The following TMEM132D variants were observed in gnomAD, a reference collection of about 807,000 sequenced individuals.
TMEM132D encodes the protein transmembrane protein 132D.
A neutral mutation model predicts 62.3 loss-of-function variants in TMEM132D; 21 were observed. The ratio of observed to expected loss-of-function variants is 0.34; its 90% CI spans 0.24 to 0.49. The LOEUF is 0.49. TMEM132D is among the 20% of genes least tolerant of loss of function. The pLI, the probability that TMEM132D is intolerant of heterozygous loss-of-function variation, is 0.99. For missense variants in TMEM132D, 1,346 were observed against 1,402.8 expected (o/e 0.96, Z 0.65); for synonymous variants, 621 against 575.6 (o/e 1.08, Z -1.13).
At chr12:129,796,646 G>A (rs1042595679) in intron 1 of TMEM132D, among the ~76,000 whole-genome samples, 1 of 152,092 alleles carries the variant, frequency 6.6e-6, no homozygotes, top group African/African-American at 2.4e-5. Context: ...ACCAAACATC[G>A]TGCGTTCTCA....
At chr12:129,324,558 C>A (rs577397296) in intron 4 of TMEM132D, among the ~76,000 whole-genome samples, 1 of 152,252 alleles carries the variant, frequency 6.6e-6, no homozygotes, top group Admixed American at 6.5e-5. Context: ...TGGTCAGGGG[C>A]AGTGGCTCAC....
chr12:129,586,097 G>C (rs1385924507), intron 2 of TMEM132D, among the ~76,000 whole-genome samples: 1 of 150,520 alleles, frequency 6.6e-6, no homozygotes, highest in Admixed American at 6.6e-5. Flanking sequence ...CTGTGGCAGA[G>C]ACACGGCTAT....
chr12:129,365,969 G>A (rs760790563), intron 3 of TMEM132D, among the ~76,000 whole-genome samples: 17 of 151,952 alleles, frequency 1.1e-4, no homozygotes, highest in Non-Finnish European at 2.2e-4. Context: ...CACCTACCGA[G>A]AGAGCAGTCC....
chr12:129,122,078 C>T (rs1469822853), intron 5 of TMEM132D, among the ~76,000 whole-genome samples: 9 of 152,320 alleles, frequency 5.9e-5, no homozygotes, highest in Admixed American at 3.9e-4. Flanking sequence ...TCCACCACTG[C>T]TGCAGAGCGA....
At chr12:129,355,733 T>G (rs1392182724) in intron 3 of TMEM132D, among the ~76,000 whole-genome samples, 1 of 152,172 alleles carries the variant, frequency 6.6e-6, no homozygotes, top group African/African-American at 2.4e-5. Context: ...TCACACTGGC[T>G]TCAATGTGTG....
intron 1 of TMEM132D, among the ~76,000 whole-genome samples, chr12:129,825,467 C>T (rs772587425): frequency 9.2e-5 from 14 of 152,276 alleles, no homozygotes; most frequent in South Asian, 4.2e-4. Flanking sequence ...GGGTTACTGG[C>T]GAGAGGCTTG....
chr12:129,117,421 T>C (rs983359586), intron 5 of TMEM132D, among the ~76,000 whole-genome samples: 5 of 152,144 alleles, frequency 3.3e-5, no homozygotes, highest in African/African-American at 1.2e-4. Flanking sequence ...AATTTGAGCT[T>C]TGGTAAATAA....
chr12:129,138,566 C>T (rs368819600), intron 5 of TMEM132D, among the ~76,000 whole-genome samples: 2 of 152,020 alleles, frequency 1.3e-5, no homozygotes, highest in African/African-American at 4.8e-5. Flanking sequence ...ACTAAAAATA[C>T]AAAAATTAGC....
chr12:129,567,988 G>T (rs185964246), intron 2 of TMEM132D, among the ~76,000 whole-genome samples: 2 of 152,310 alleles, frequency 1.3e-5, no homozygotes, highest in African/African-American at 4.8e-5. Flanking sequence ...TCTGAGTAGT[G>T]AGCAGTTCAG....
rs551950153 is a variant in TMEM132D, at chr12:129,703,187, G to A, written c.80-2489C>T. Among the ~76,000 whole-genome samples the A allele has an allele frequency of 2.4e-3, 371 of 152,292 alleles. 2 individuals are homozygous for A. The highest frequency in any genetic ancestry group is 8.4e-3 in the African/African-American group (349 of 41,556). ...TGTTAATGCCAGACACCAAGGCTCCGTGAACTTCCCTGTTGAACATCTGAC... is the reference window on the plus strand; with the variant it reads ...TGTTAATGCCAGACACCAAGGCTCCATGAACTTCCCTGTTGAACATCTGAC... On this transcript the variant is annotated intron_variant, in intron 1 of 8. Coordinates refer to ENST00000422113, the MANE Select transcript of TMEM132D (RefSeq NM_133448.3).
chr12:129,405,284 T>G (rs933554617), intron 3 of TMEM132D, among the ~76,000 whole-genome samples: 20 of 151,818 alleles, frequency 1.3e-4, no homozygotes, highest in African/African-American at 4.6e-4. Flanking sequence ...ACAGAAAGCT[T>G]TCTGGTGTCT....
intron 1 of TMEM132D, among the ~76,000 whole-genome samples, chr12:129,771,932 A>C (rs1369904824): frequency 2.6e-5 from 4 of 152,208 alleles, no homozygotes; most frequent in African/African-American, 9.7e-5. Flanking sequence ...AGACAAAGAA[A>C]CTGAGTCACA....
chr12:129,654,402 C>T (rs1201363079), intron 2 of TMEM132D, among the ~76,000 whole-genome samples: 2 of 151,778 alleles, frequency 1.3e-5, no homozygotes, highest in Non-Finnish European at 2.9e-5. Flanking sequence ...TCACTCTTCT[C>T]GAGAAAATTT....
intron 2 of TMEM132D, among the ~76,000 whole-genome samples, chr12:129,582,236 T>C (rs1877885248): frequency 6.6e-6 from 1 of 152,232 alleles, no homozygotes; most frequent in Non-Finnish European, 1.5e-5. Flanking sequence ...TCCTTCCAGA[T>C]GTTTTGGGAG....
chr12:129,555,693 A>G (rs1412183719), intron 2 of TMEM132D, among the ~76,000 whole-genome samples: 1 of 152,220 alleles, frequency 6.6e-6, no homozygotes, highest in African/African-American at 2.4e-5. Context: ...GGACTCTGCT[A>G]ATTCACCACA....
At chr12:129,780,220 G>A (rs1380808433) in intron 1 of TMEM132D, among the ~76,000 whole-genome samples, 1 of 149,714 alleles carries the variant, frequency 6.7e-6, no homozygotes, top group African/African-American at 2.5e-5. Flanking sequence ...TCCCCGTCCC[G>A]CTGTGTGCTG....
At chr12:129,816,010 T>C (rs975854300) in intron 1 of TMEM132D, among the ~76,000 whole-genome samples, 4 of 152,208 alleles carry the variant, frequency 2.6e-5, no homozygotes, top group Non-Finnish European at 5.9e-5. Context: ...CTCCCTTCCT[T>C]GCCCATGTTG....
At chr12:129,686,338 TAGTG>T (rs1296987082) in intron 2 of TMEM132D, among the ~76,000 whole-genome samples, 2 of 152,122 alleles carry the variant, frequency 1.3e-5, no homozygotes, top group African/African-American at 2.4e-5. Context: ...ATTCTCATGA[TAGTG>T]AGTGAGTTCT....
intron 4 of TMEM132D, among the ~76,000 whole-genome samples, chr12:129,323,058 T>C (rs1271844299): frequency 1.3e-5 from 2 of 152,236 alleles, no homozygotes; most frequent in Non-Finnish European, 2.9e-5. Flanking sequence ...TTCCAGTTTG[T>C]TGCTGACAGG....
Sources: allele counts gnomAD v4.1 joint callset (sites outside exome capture counted in the v4.1 genomes callset), GRCh38; gene constraint gnomAD v4.1.1; transcripts MANE v1.5; gene names NCBI Gene and HGNC (gene_info 2026-07-23, HGNC 2026-07-21).